The following RAPGEF6 variants were observed in gnomAD, a reference collection of about 807,000 sequenced individuals.
The protein encoded by RAPGEF6 is PDZ domain containing guanine nucleotide exchange factor (GEF) 2.
In RAPGEF6, 56 loss-of-function variants were observed where a neutral mutation model predicts 171.4. The ratio of observed to expected loss-of-function variants is 0.33; its 90% CI spans 0.26 to 0.41. The LOEUF (loss-of-function observed/expected upper bound fraction) is 0.41. Ranked by LOEUF, RAPGEF6 falls within the 10% of genes least tolerant of loss-of-function variation. The pLI is 1.00. For synonymous variants in RAPGEF6, 692 were observed against 650.1 expected (o/e 1.06, Z -0.98); for missense variants, 1,674 against 1,921.4 (o/e 0.87, Z 2.41).
intron 1 of RAPGEF6, among the ~76,000 whole-genome samples, chr5:131,611,696 G>A (rs1221358434): frequency 6.6e-6 from 1 of 152,134 alleles, no homozygotes; most frequent in Non-Finnish European, 1.5e-5. Flanking sequence ...TTTTAAACTA[G>A]AGGCTTTTTG....
intron 11 of RAPGEF6, among the ~76,000 whole-genome samples, chr5:131,502,874 C>T (rs1420277486): frequency 2.0e-5 from 3 of 151,982 alleles, no homozygotes; most frequent in East Asian, 1.9e-4. Flanking sequence ...TCTCGGCTCA[C>T]TGCAACCTCC....
In RAPGEF6 at chr5:131,597,313, T is replaced by TA. The variant is rs80160807; in HGVS notation, c.198-4848dup. Among the ~76,000 whole-genome samples the TA allele has an allele frequency of 8.4e-3, 1,157 of 137,900 alleles. 6 individuals carry two copies. The highest frequency in any genetic ancestry group is 0.021 in the African/African-American group (774 of 37,696). 90.5% of individuals were successfully genotyped at this position (137,900 alleles called of 152,430 possible). A position where few individuals can be genotyped will look rare whatever the true frequency, so the allele number is the denominator to read the frequency against. On this transcript the variant is annotated intron_variant, in intron 3 of 27. Coordinates refer to ENST00000509018, the MANE Select transcript of RAPGEF6 (RefSeq NM_016340.6). ...TTATGGAAAACAATATGGAGGTTAC[T>TA]AAAAAAAAAAAAAATGGAACTTCTA...
At chr5:131,457,026 A>T (rs1323925906) in intron 19 of RAPGEF6, among the ~76,000 whole-genome samples, 8 of 152,230 alleles carry the variant, frequency 5.3e-5, no homozygotes, top group Non-Finnish European at 1.2e-4. Flanking sequence ...CCAAAGCAGA[A>T]CTCTTTCTGC....
intron 15 of RAPGEF6, among the ~76,000 whole-genome samples, chr5:131,485,941 ACT>A (rs762617562): frequency 2.6e-5 from 4 of 151,876 alleles, no homozygotes; most frequent in Non-Finnish European, 5.9e-5. Context: ...TCTTTGCTTG[ACT>A]CTGTTTTTAA....
At chr5:131,534,439 G>C (rs974075991) in intron 6 of RAPGEF6, among the ~76,000 whole-genome samples, 2 of 152,020 alleles carry the variant, frequency 1.3e-5, no homozygotes, top group Non-Finnish European at 2.9e-5. Context: ...TTTTCATAAA[G>C]CTTTTAAGAA....
chr5:131,569,688 A>C (rs901615267), intron 4 of RAPGEF6, among the ~76,000 whole-genome samples: 6 of 152,330 alleles, frequency 3.9e-5, no homozygotes, highest in African/African-American at 1.2e-4. Context: ...TCTCAAAAAT[A>C]AACCTTAAAG....
chr5:131,526,017 T>C (rs1229820518), intron 6 of RAPGEF6, among the ~76,000 whole-genome samples: 1 of 152,092 alleles, frequency 6.6e-6, no homozygotes, highest in African/African-American at 2.4e-5. Flanking sequence ...AGCAGTAGAG[T>C]TGGGAATCAA....
At chr5:131,455,758 GATAAAC>G in intron 20 of RAPGEF6, 37 bp downstream of exon 20, 1 of 1,532,176 alleles carries the variant, frequency 6.5e-7, no homozygotes, top group South Asian at 1.1e-5. Context: ...GTAGACTTTA[GATAAAC>G]CATGTGGTAA....
chr5:131,551,202 G>T (rs1342021180), intron 5 of RAPGEF6, among the ~76,000 whole-genome samples: 1 of 152,102 alleles, frequency 6.6e-6, no homozygotes, highest in African/African-American at 2.4e-5. Context: ...TGTAATAGAT[G>T]GTACAGTGTC....
chr5:131,613,899 G>A (rs779729839), intron 1 of RAPGEF6, among the ~76,000 whole-genome samples: 54 of 152,086 alleles, frequency 3.6e-4, no homozygotes, highest in Non-Finnish European at 6.0e-4. Flanking sequence ...TCAGAAGCTA[G>A]TGACACCGAG....
At chr5:131,534,489 T>C (rs1759620013) in intron 6 of RAPGEF6, among the ~76,000 whole-genome samples, 1 of 151,956 alleles carries the variant, frequency 6.6e-6, no homozygotes, top group South Asian at 2.1e-4. Context: ...AATACCAAAA[T>C]ACACAATACC....
chr5:131,562,624 G>A (rs530811657), intron 4 of RAPGEF6, among the ~76,000 whole-genome samples: 1 of 152,270 alleles, frequency 6.6e-6, no homozygotes, highest in South Asian at 2.1e-4. Flanking sequence ...TATAACCTAT[G>A]TGCATCCTTC....
chr5:131,453,685 C>T (rs1482443365), intron 20 of RAPGEF6, among the ~76,000 whole-genome samples: 3 of 152,168 alleles, frequency 2.0e-5, no homozygotes, highest in African/African-American at 7.2e-5. Flanking sequence ...TATAACATAG[C>T]ATGACCCCAT....
chr5:131,447,088 T>C (rs1233924824), intron 21 of RAPGEF6: 1 of 173,472 alleles, frequency 5.8e-6, no homozygotes, highest in Non-Finnish European at 1.2e-5. Flanking sequence ...GCCGAATCTC[T>C]GAACCAGGGT....
At chr5:131,495,718 T>C in intron 12 of RAPGEF6, 58 bp from the exon 13 acceptor site, 1 of 1,557,812 alleles carries the variant, frequency 6.4e-7, no homozygotes, top group Non-Finnish European at 8.7e-7. Flanking sequence ...TCTGCACAAG[T>C]GGATTCCAAA....
At chr5:131,456,377 G>A (rs1359804614) in intron 19 of RAPGEF6, among the ~76,000 whole-genome samples, 1 of 152,106 alleles carries the variant, frequency 6.6e-6, no homozygotes, top group African/African-American at 2.4e-5. Flanking sequence ...CTATTTTAAA[G>A]CGGTTTAAGT....
chr5:131,523,217 C>T (rs949327084), intron 6 of RAPGEF6, among the ~76,000 whole-genome samples: 3 of 147,008 alleles, frequency 2.0e-5, no homozygotes, highest in Non-Finnish European at 3.0e-5. Flanking sequence ...CAAACATCTT[C>T]GTTAAGAGCC....
rs149449034 is a variant in RAPGEF6 at position 131,510,053 on chromosome 5, T to C, written c.805+261A>G. On this transcript the variant is annotated intron_variant, in intron 8 of 27. Transcript: ENST00000509018. Reference sequence around the variant, plus strand: ...GCACCAAAGGCCATTTGAATAGCTATCTTGGACACAGATTCTACAGCTCAG... The same window carrying C: ...GCACCAAAGGCCATTTGAATAGCTACCTTGGACACAGATTCTACAGCTCAG... Among the ~76,000 whole-genome samples, 486 of 152,308 alleles carry C rather than the reference T, an allele frequency of 3.2e-3. 3 individuals are homozygous for C. Among genetic ancestry groups the C allele is most frequent in the African/African-American group, 0.011 (462 of 41,572 alleles).
Position 131,430,966 on chromosome 5 carries a change from CT to C in RAPGEF6, c.4357del (p.Arg1453GlufsTer35). ...YEPNYGTVKQ[R>X]VLESTPAESS... ...CTCAGCTGGGGTGCTCTCCAATACT[CT>C]CTGTTTAACTGTCCCATAGTTTGGT... On this transcript the variant is annotated frameshift_variant, in exon 26 of 28. Transcript: ENST00000509018. LOFTEE classifies it high-confidence loss of function. 1 of 1,614,194 alleles carries C rather than the reference CT, an allele frequency of 6.2e-7. No individual in the cohort carries two copies. The highest frequency in any genetic ancestry group is 8.5e-7 in the Non-Finnish European group (1 of 1,180,030).
Sources: gnomAD v4.1 joint callset for allele counts (sites outside exome capture counted in the v4.1 genomes callset) on GRCh38, gnomAD v4.1.1 for gene constraint, MANE v1.5 for transcripts, NCBI Gene and HGNC (gene_info 2026-07-23, HGNC 2026-07-21) for gene names.